PITPNM2: variants seen among roughly 807,000 people sequenced by gnomAD.
PITPNM2 encodes membrane-associated phosphatidylinositol transfer protein 2.
A neutral mutation model predicts 132.2 loss-of-function variants in PITPNM2; 35 were observed. The observed-to-expected ratio is 0.26, with a 90% CI of 0.20 to 0.35. PITPNM2 has a LOEUF of 0.35. Among genes scored for constraint, PITPNM2 ranks in the 10% least tolerant of loss-of-function variants. PITPNM2 has a pLI of 1.00. For missense variants in PITPNM2, 1,332 were observed against 1,912.0 expected (o/e 0.70, Z 5.66); for synonymous variants, 738 against 799.2 (o/e 0.92, Z 1.29).
Position 122,989,885 on chromosome 12 carries a change from G to GGGGC in PITPNM2, c.2632_2633insGCCC (p.Ala878GlyfsTer29). 1 of 1,077,356 alleles carries GGGGC rather than the reference G, an allele frequency of 9.3e-7. No homozygotes were observed. Among genetic ancestry groups the GGGGC allele is most frequent in the Non-Finnish European group, 1.2e-6 (1 of 807,250 alleles). 66.7% of individuals were successfully genotyped at this position (1,077,356 alleles called of 1,614,324 possible). A position where few individuals can be genotyped will look rare whatever the true frequency, so the allele number is the denominator to read the frequency against. Reference sequence around the variant, plus strand: ...GGGGCCAGGGGTGGTGGGGCTGGGGGCGGGCAGGGCGAGCAGGGACAGACG... The same window carrying GGGGC: ...GGGGCCAGGGGTGGTGGGGCTGGGGGGGGCCGGGCAGGGCGAGCAGGGACAGACG... On this transcript the variant is annotated frameshift_variant, in exon 18 of 26. Transcript: ENST00000320201. LOFTEE classifies it high-confidence loss of function.
At chr12:123,102,090 T>G (rs2042576667) in intron 2 of PITPNM2, among the ~76,000 whole-genome samples, 1 of 152,184 alleles carries the variant, frequency 6.6e-6, no homozygotes, top group Admixed American at 6.5e-5. Context: ...CAACCTCAGT[T>G]GTCACAGAAC....
Position 123,064,713 on chromosome 12 carries a change from G to C in PITPNM2, c.-95-30028C>G, listed in dbSNP as rs1474134051. 3.9e-5 allele frequency among the ~76,000 whole-genome samples: 6 copies of C among 152,204 alleles called. No individual in the cohort carries two copies. Among genetic ancestry groups the C allele is most frequent in the Non-Finnish European group, 8.8e-5 (6 of 68,032 alleles). ...ACAGCAGGAACAGGAGAAAATCAGGGAAGGTTGTGGGGGTAAGCACATCAC... is the reference window on the plus strand; with the variant it reads ...ACAGCAGGAACAGGAGAAAATCAGGCAAGGTTGTGGGGGTAAGCACATCAC... On this transcript the variant is annotated intron_variant, in intron 2 of 25. Transcript: ENST00000320201. The surrounding 1 kb of genome is among the most constrained non-coding windows in gnomAD (Gnocchi z 4.0).
At position 123,077,562 on chromosome 12, in the gene PITPNM2, G is replaced by A. The variant is rs187636902; in HGVS notation, c.-96+32823C>T. Among the ~76,000 whole-genome samples the A allele has an allele frequency of 3.3e-5, 5 of 152,260 alleles. No homozygotes were observed. The highest frequency in any genetic ancestry group is 1.9e-4 in the East Asian group (1 of 5,168). On this transcript the variant is annotated intron_variant, in intron 2 of 25. Transcript: ENST00000320201. The surrounding 1 kb of genome is among the most constrained non-coding windows in gnomAD (Gnocchi z 4.8). ...AGTGCTGTACCTACCCAAGCACCAGGAGGCAGGAGTCGAGCTACTCACAGA... is the reference window on the plus strand; with the variant it reads ...AGTGCTGTACCTACCCAAGCACCAGAAGGCAGGAGTCGAGCTACTCACAGA...
Position 123,004,192 on chromosome 12 carries a change from G to A in PITPNM2, c.1048+202C>T, listed in dbSNP as rs2038816523. 6.6e-6 allele frequency among the ~76,000 whole-genome samples: 1 copy of A among 152,110 alleles called. No homozygotes were observed. Among genetic ancestry groups the A allele is most frequent in the Non-Finnish European group, 1.5e-5 (1 of 68,012 alleles). On this transcript the variant is annotated intron_variant, in intron 8 of 25. Coordinates refer to ENST00000320201, the MANE Select transcript of PITPNM2 (RefSeq NM_020845.3). This position sits in a 1 kb window ranked among gnomAD's most constrained non-coding sequence, Gnocchi z 4.9. ...GGGTTCTGAGACCCCAGACTCAAGG[G>A]AACAAGATGACCTCATCTCATCCTC...
At chr12:123,143,561 A>G (rs942304969) in intron 1 of PITPNM2, among the ~76,000 whole-genome samples, 1 of 152,176 alleles carries the variant, frequency 6.6e-6, no homozygotes, top group African/African-American at 2.4e-5. Flanking sequence ...GAAGGCCACA[A>G]TTTGAGGCAT....
At chr12:123,119,506 C>T (rs7975763) in intron 1 of PITPNM2, among the ~76,000 whole-genome samples, 35,611 of 151,652 alleles carry the variant, frequency 0.23, 4,348 homozygotes, top group Middle Eastern at 0.35. Context: ...TACAGGCACC[C>T]GCCACCACGC....
At chr12:123,034,754 G>GCTATGTGTAAGCTCTCT (rs1301540639) in intron 2 of PITPNM2, 69 bp from the exon 3 acceptor site, 1 of 628,874 alleles carries the variant, frequency 1.6e-6, no homozygotes, top group Non-Finnish European at 2.9e-6. Flanking sequence ...ATAGCACAGA[G>GCTATGTGTAAGCTCTCT]GAAAGGCCCG....
chr12:122,996,376 G>T, intron 13 of PITPNM2, 82 bp downstream of exon 13: 1 of 1,558,600 alleles, frequency 6.4e-7, no homozygotes, highest in Non-Finnish European at 8.7e-7. Context: ...GGGGCCAGGT[G>T]CAGGAACAGG....
chr12:123,051,971 C>T (rs974623233), intron 2 of PITPNM2, among the ~76,000 whole-genome samples: 2 of 150,612 alleles, frequency 1.3e-5, no homozygotes, highest in Admixed American at 6.7e-5. Context: ...GGCGCCATCT[C>T]GGCTCATTGC....
At chr12:123,104,004 G>A (rs1010087493) in intron 2 of PITPNM2, among the ~76,000 whole-genome samples, 25 of 152,016 alleles carry the variant, frequency 1.6e-4, no homozygotes, top group Admixed American at 5.2e-4. Flanking sequence ...CTCCGCCTCC[G>A]GGTTGAACCT....
intron 2 of PITPNM2, among the ~76,000 whole-genome samples, chr12:123,100,760 T>G (rs2042545320): frequency 1.3e-5 from 2 of 152,154 alleles, no homozygotes; most frequent in South Asian, 4.1e-4. Flanking sequence ...TCATATGAAA[T>G]GTCCGGAAAA....
At chr12:123,073,831 T>C (rs955039104) in intron 2 of PITPNM2, among the ~76,000 whole-genome samples, 10 of 152,108 alleles carry the variant, frequency 6.6e-5, no homozygotes, top group Admixed American at 5.9e-4. Flanking sequence ...CTCCAGCTCA[T>C]CCCCAGGCTG....
intron 1 of PITPNM2, among the ~76,000 whole-genome samples, chr12:123,129,846 T>G (rs1463708267): frequency 6.6e-6 from 1 of 151,034 alleles, no homozygotes. Context: ...CACACACACA[T>G]GAACATGCAC....
rs2043721580 is a variant in PITPNM2 at position 123,150,682 on chromosome 12, G to A, written c.-200+71C>T. Among the ~76,000 whole-genome samples, 1 of 149,688 alleles carries A rather than the reference G, an allele frequency of 6.7e-6. No individual in the cohort carries two copies. The highest frequency in any genetic ancestry group is 2.5e-5 in the African/African-American group (1 of 40,634). On this transcript the variant is annotated intron_variant, in intron 1 of 25. Transcript: ENST00000320201. The surrounding 1 kb of genome is among the most constrained non-coding windows in gnomAD (Gnocchi z 6.0). ...CTGGGAGCCGCCGCCCAGATCCCCA[G>A]GTCCCCGGCCAGCGCCCGGCACTGC...
At chr12:123,114,632 G>T (rs1019287694) in intron 1 of PITPNM2, among the ~76,000 whole-genome samples, 1 of 151,900 alleles carries the variant, frequency 6.6e-6, no homozygotes, top group African/African-American at 2.4e-5. Context: ...AGGTAGGTAG[G>T]TTCTGAAATG....
intron 3 of PITPNM2, among the ~76,000 whole-genome samples, chr12:123,030,853 C>G (rs901708917): frequency 6.6e-6 from 1 of 152,052 alleles, no homozygotes; most frequent in African/African-American, 2.4e-5. Flanking sequence ...ATGGATGAAT[C>G]CCAACAACAT....
At position 123,005,178 on chromosome 12, in the gene PITPNM2, G is replaced by C. The variant is rs1242076996; in HGVS notation, c.952+62C>G. On this transcript the variant is annotated intron_variant, in intron 7 of 25. Transcript: ENST00000320201. This position sits in a 1 kb window ranked among gnomAD's most constrained non-coding sequence, Gnocchi z 6.2. ...TGAGGAGGTGCAGTGATCCAGCAGT[G>C]TGTGGGGCTGCCTTGAGGGGAGGGA... The C allele has an allele frequency of 6.5e-7, 1 of 1,542,560 alleles. No homozygotes were observed. Among genetic ancestry groups the C allele is most frequent in the Non-Finnish European group, 8.8e-7 (1 of 1,134,006 alleles).
At chr12:122,991,916 G>A in intron 16 of PITPNM2, 1 of 1,307,072 alleles carries the variant, frequency 7.7e-7, no homozygotes, top group Non-Finnish European at 9.7e-7. Flanking sequence ...CAGACGGGGA[G>A]AGAACAGAGG....
At chr12:123,046,627 T>C (rs2040667553) in intron 2 of PITPNM2, among the ~76,000 whole-genome samples, 1 of 152,168 alleles carries the variant, frequency 6.6e-6, no homozygotes. Context: ...TGGCACCCAC[T>C]AAGCTGCTTT....
Sources: gnomAD v4.1 joint callset for allele counts (sites outside exome capture counted in the v4.1 genomes callset) on GRCh38, gnomAD v4.1.1 for gene constraint, Gnocchi (gnomAD v3.1) non-coding constraint, MANE v1.5 for transcripts, NCBI Gene and HGNC (gene_info 2026-07-23, HGNC 2026-07-21) for gene names.